Variants in MICAL3 observed in about 807,000 individuals in gnomAD.
The protein encoded by MICAL3 is microtubule associated monooxygenase, calponin and LIM domain containing 3, also known as [F-actin]-monooxygenase MICAL3.
In MICAL3, 62 loss-of-function variants were observed where a neutral mutation model predicts 207.4. That is an observed-to-expected ratio of 0.30 (90% CI 0.24 to 0.37). The LOEUF (loss-of-function observed/expected upper bound fraction) is 0.37, where lower values mean the gene tolerates loss of function less well. MICAL3 is among the 10% of genes least tolerant of loss of function. MICAL3 has a pLI of 1.00. For synonymous variants in MICAL3, 1,077 were observed against 1,069.3 expected (o/e 1.01, Z -0.14); for missense variants, 2,368 against 2,635.6 (o/e 0.90, Z 2.22).
Position 17,901,956 on chromosome 22 carries a change from G to A in MICAL3, c.613C>T (p.His205Tyr), listed in dbSNP as rs372571778. Residue 205 changes from histidine to tyrosine, a missense_variant, in exon 5 of 32, where the codon CAC becomes TAC. His to Tyr is a moderately conservative substitution (Grantham distance 83). This residue lies in a region of MICAL3 where 400 missense variants were observed against 547.0 expected (regional missense o/e 0.73). Coordinates refer to ENST00000441493, the MANE Select transcript of MICAL3 (RefSeq NM_015241.3). ...TCTGACACAGGATGAGTCTTGGGGT[G>A]CACCAGTGCCCGCCAGCCTATCCCT... ...NERIGWRALV[H>Y]PKTHPVSEYE... 6.2e-6 allele frequency: 10 copies of A among 1,613,086 alleles called. No homozygotes were observed. In the African/African-American group the frequency reaches 1.1e-4, roughly 17 times the overall value.
chr22:17,816,309 C>T (rs1348813997), intron 27 of MICAL3, among the ~76,000 whole-genome samples: 1 of 152,230 alleles, frequency 6.6e-6, no homozygotes, highest in Admixed American at 6.5e-5. Context: ...GTCCCAGCTC[C>T]GCCAGCAGCC....
At chr22:17,834,417 A>G (rs1434395895) in intron 20 of MICAL3, 1 of 1,285,816 alleles carries the variant, frequency 7.8e-7, no homozygotes, top group South Asian at 1.2e-5. Flanking sequence ...GGTGACACAG[A>G]AAAGACTCTT....
At chr22:17,948,930 G>T (rs1041951514) in intron 1 of MICAL3, among the ~76,000 whole-genome samples, 2 of 80,196 alleles carry the variant, frequency 2.5e-5, no homozygotes, top group African/African-American at 1.1e-4. Flanking sequence ...AAAAAAATTG[G>T]CCAGCACGGT....
At chr22:18,001,632 C>G (rs1326692832) in intron 1 of MICAL3, 1 of 152,454 alleles carries the variant, frequency 6.6e-6, no homozygotes, top group Non-Finnish European at 1.5e-5. Flanking sequence ...CCCCCGTCCT[C>G]AGGGACTCCA....
intron 20 of MICAL3, among the ~76,000 whole-genome samples, chr22:17,837,118 A>G (rs528102937): frequency 6.6e-6 from 1 of 152,366 alleles, no homozygotes; most frequent in South Asian, 2.1e-4. Flanking sequence ...GAAGATGCAC[A>G]TCATGCAGCA....
At chr22:17,947,034 T>C (rs1203682990) in intron 1 of MICAL3, among the ~76,000 whole-genome samples, 2 of 152,116 alleles carry the variant, frequency 1.3e-5, no homozygotes, top group East Asian at 1.9e-4. Flanking sequence ...AGGGAAGAAA[T>C]TGTTTAAATC....
rs73386341 is a variant in MICAL3 at position 17,877,655 on chromosome 22, T to C, written c.2242-5632A>G. On this transcript the variant is annotated intron_variant, in intron 16 of 31. Coordinates refer to ENST00000441493, the MANE Select transcript of MICAL3 (RefSeq NM_015241.3). ...AGAACTTAAGTAGTGTCCTCAAAAG[T>C]ATCCAGCCTGGAGCCCTGCACTGAG... Among the ~76,000 whole-genome samples, 841 of 152,006 alleles carry C rather than the reference T, an allele frequency of 5.5e-3. 6 individuals are homozygous for C. The highest frequency in any genetic ancestry group is 0.02 in the African/African-American group (808 of 41,380).
chr22:18,012,597 A>G (rs1179201612), intron 1 of MICAL3, among the ~76,000 whole-genome samples: 1 of 152,242 alleles, frequency 6.6e-6, no homozygotes, highest in Non-Finnish European at 1.5e-5. Flanking sequence ...CGGGGCGGCC[A>G]GAGCCTCCCA....
chr22:17,877,401 GTTAGGGAAGTTATGGAGGTTAGGGAGA>G lies in MICAL3; in HGVS notation c.2242-5405_2242-5379del, dbSNP rs1382495269. On this transcript the variant is annotated intron_variant, in intron 16 of 31. Transcript: ENST00000441493. ...GAGGGAGGTTATGGAGGTTAGGGAG[GTTAGGGAAGTTATGGAGGTTAGGGAGA>G]TTATGGAGGTGAGGGAGGTTATGGA... 3.5e-5 allele frequency among the ~76,000 whole-genome samples: 4 copies of G among 113,888 alleles called. 1 individual carries two copies. Among genetic ancestry groups the G allele is most frequent in the East Asian group, 2.4e-4 (1 of 4,216 alleles). 74.7% of individuals were successfully genotyped at this position (113,888 alleles called of 152,430 possible). A position where few individuals can be genotyped will look rare whatever the true frequency, so the allele number is the denominator to read the frequency against.
At chr22:17,895,743 A>G (rs974233032) in intron 9 of MICAL3, among the ~76,000 whole-genome samples, 1 of 152,160 alleles carries the variant, frequency 6.6e-6, no homozygotes, top group African/African-American at 2.4e-5. Context: ...GAAAATCAAC[A>G]CAAAAAAGAA....
At chr22:17,951,842 G>A (rs1051683084) in intron 1 of MICAL3, among the ~76,000 whole-genome samples, 6 of 151,900 alleles carry the variant, frequency 3.9e-5, no homozygotes, top group African/African-American at 9.7e-5. Flanking sequence ...GATTACAGGC[G>A]CCCGCCACCA....
At chr22:17,834,046 C>T (rs1253020423) in intron 20 of MICAL3, among the ~76,000 whole-genome samples, 1 of 152,210 alleles carries the variant, frequency 6.6e-6, no homozygotes, top group African/African-American at 2.4e-5. Context: ...AACTATCAAA[C>T]CTGTGGGTGA....
chr22:17,924,709 G>A (rs190081048), intron 1 of MICAL3, among the ~76,000 whole-genome samples: 1 of 152,306 alleles, frequency 6.6e-6, no homozygotes, highest in African/African-American at 2.4e-5. Flanking sequence ...GACGTACTTT[G>A]TTAAAGGACC....
At chr22:17,955,659 C>T (rs559849140) in intron 1 of MICAL3, among the ~76,000 whole-genome samples, 2 of 152,358 alleles carry the variant, frequency 1.3e-5, no homozygotes, top group South Asian at 4.1e-4. Context: ...CAAATTAACA[C>T]TTTCTCAAGC....
At chr22:17,805,184 G>C (rs780447113) in intron 29 of MICAL3, among the ~76,000 whole-genome samples, 7 of 152,238 alleles carry the variant, frequency 4.6e-5, no homozygotes, top group Non-Finnish European at 1.0e-4. Flanking sequence ...GCCATGATGA[G>C]AAGACTCCAG....
chr22:17,929,897 T>G (rs538000423), intron 1 of MICAL3, among the ~76,000 whole-genome samples: 11 of 152,156 alleles, frequency 7.2e-5, no homozygotes, highest in Admixed American at 2.0e-4. Context: ...GGAATAAACC[T>G]CTTTAAAGCA....
At chr22:17,980,259 G>C (rs1336246855) in intron 1 of MICAL3, among the ~76,000 whole-genome samples, 2 of 152,212 alleles carry the variant, frequency 1.3e-5, no homozygotes, top group African/African-American at 2.4e-5. Flanking sequence ...GCTCAGGGCA[G>C]GGGAATGGAG....
chr22:17,874,859 C>T (rs932330893), intron 16 of MICAL3, among the ~76,000 whole-genome samples: 8 of 152,104 alleles, frequency 5.3e-5, no homozygotes, highest in Admixed American at 1.3e-4. Context: ...GCACACCATA[C>T]GCGTGCATAT....
chr22:17,929,776 C>G (rs988921017), intron 1 of MICAL3, among the ~76,000 whole-genome samples: 2 of 152,080 alleles, frequency 1.3e-5, no homozygotes, highest in African/African-American at 4.8e-5. Flanking sequence ...ACCTGATGCC[C>G]AGGCTGGTCT....
Sources: gnomAD v4.1 joint callset for allele counts (sites outside exome capture counted in the v4.1 genomes callset) on GRCh38, gnomAD v4.1.1 for gene constraint, gnomAD v4.1.1 regional missense constraint, MANE v1.5 for transcripts, NCBI Gene and HGNC (gene_info 2026-07-23, HGNC 2026-07-21) for gene names.